Variants in TTC28 observed in about 807,000 individuals in gnomAD.
TTC28 encodes tetratricopeptide repeat domain 28.
TTC28 carries 61 observed loss-of-function variants against 198.0 expected under a neutral mutation model. That is an observed-to-expected ratio of 0.31 (90% CI 0.25 to 0.38). The LOEUF is 0.38. TTC28 is among the 10% of genes least tolerant of loss of function. The probability of loss-of-function intolerance (pLI) is 1.00; values close to 1 mark genes in which losing one functional copy is unlikely to be tolerated. For synonymous variants in TTC28, 1,171 were observed against 1,297.8 expected (o/e 0.90, Z 2.10); for missense variants, 2,678 against 3,164.0 (o/e 0.85, Z 3.69).
intron 5 of TTC28, among the ~76,000 whole-genome samples, chr22:28,165,205 G>T (rs1464612262): frequency 6.6e-6 from 1 of 152,208 alleles, no homozygotes; most frequent in Non-Finnish European, 1.5e-5. Flanking sequence ...CATCTCATTG[G>T]TGTACCTGAA....
chr22:28,173,455 C>G (rs543093903), intron 5 of TTC28, among the ~76,000 whole-genome samples: 1 of 152,202 alleles, frequency 6.6e-6, no homozygotes, highest in Non-Finnish European at 1.5e-5. Context: ...TCTGGAACAT[C>G]TGTATTTGAA....
At chr22:28,313,128 C>G (rs569921659) in intron 2 of TTC28, among the ~76,000 whole-genome samples, 1 of 152,238 alleles carries the variant, frequency 6.6e-6, no homozygotes, top group East Asian at 1.9e-4. Context: ...TGGATAAATT[C>G]CTTGACACGT....
At chr22:28,513,981 C>T (rs554249935) in intron 2 of TTC28, among the ~76,000 whole-genome samples, 2 of 151,926 alleles carry the variant, frequency 1.3e-5, no homozygotes, top group South Asian at 2.1e-4. Flanking sequence ...AGTCTTTGTA[C>T]AAAATACAAA....
intron 2 of TTC28, among the ~76,000 whole-genome samples, chr22:28,540,075 C>T (rs1023453628): frequency 1.3e-5 from 2 of 151,466 alleles, no homozygotes; most frequent in Non-Finnish European, 2.9e-5. Flanking sequence ...CTCCGAGTAG[C>T]TGGGACTAAA....
intron 2 of TTC28, among the ~76,000 whole-genome samples, chr22:28,399,317 GTTTT>G (rs695621): frequency 9.0e-5 from 11 of 121,974 alleles, no homozygotes; most frequent in African/African-American, 2.7e-4. Flanking sequence ...GACTAAAACT[GTTTT>G]TTTTTTTTTT....
chr22:28,165,510 T>A (rs1434851560), intron 5 of TTC28, among the ~76,000 whole-genome samples: 1 of 151,610 alleles, frequency 6.6e-6, no homozygotes, highest in Non-Finnish European at 1.5e-5. Flanking sequence ...CAGAAGAGAG[T>A]AGGGGCCAAT....
In TTC28 at chr22:28,677,648, A is replaced by G. The variant is rs568435881; in HGVS notation, c.102+1974T>C. 2.0e-5 allele frequency among the ~76,000 whole-genome samples: 3 copies of G among 152,134 alleles called. No individual in the cohort carries two copies. In the East Asian group the frequency reaches 5.8e-4, roughly 29 times the overall value. ...ACTGAGACTCTGTCTCAAAAAAATA[A>G]AAATAAGGCCAGGTGCCGTGGCTCA... On this transcript the variant is annotated intron_variant, in intron 1 of 22. Transcript: ENST00000397906.
intron 1 of TTC28, among the ~76,000 whole-genome samples, chr22:28,646,170 T>C (rs1329653912): frequency 6.6e-6 from 1 of 152,124 alleles, no homozygotes; most frequent in South Asian, 2.1e-4. Context: ...TGGAGGACCA[T>C]GAAAACTCCT....
chr22:28,133,387 G>A (rs182808425), intron 6 of TTC28, among the ~76,000 whole-genome samples: 171 of 152,238 alleles, frequency 1.1e-3, no homozygotes, highest in African/African-American at 2.1e-3. Flanking sequence ...GCAGCCCACC[G>A]GGCGTGAGCT....
chr22:28,659,467 C>T (rs1452189158), intron 1 of TTC28, among the ~76,000 whole-genome samples: 1 of 152,030 alleles, frequency 6.6e-6, no homozygotes, highest in Non-Finnish European at 1.5e-5. Flanking sequence ...TGGGGTTTTA[C>T]CAGTTGGCCA....
rs1171200369 is a variant in TTC28 at position 28,163,229 on chromosome 22, C to T, written c.1304G>A (p.Arg435Gln). Residue 435 changes from arginine to glutamine, a missense_variant, in exon 6 of 23, where the codon CGG becomes CAG. Physicochemically the swap from Arg to Gln is conservative, Grantham distance 43. Transcript: ENST00000397906. ...QELMEKAIEM[R>Q]AYAGLGHAAR... The stretch of plus-strand genomic sequence containing the variant: ...AGCATGGCCTAGTCCAGCATAGGCC[C>T]GCATCTCAATAGCCTTCTCCATCAA... 2.6e-6 allele frequency: 4 copies of T among 1,551,626 alleles called. No individual in the cohort carries two copies. The highest frequency in any genetic ancestry group is 3.9e-5 in the Admixed American group (2 of 50,976).
intron 2 of TTC28, among the ~76,000 whole-genome samples, chr22:28,591,561 C>A (rs184004542): frequency 6.6e-6 from 1 of 152,126 alleles, no homozygotes; most frequent in South Asian, 2.1e-4. Context: ...TCCAGGTCCA[C>A]GTGCTTTTTA....
chr22:28,196,935 GATTATA>G (rs1925411350), intron 5 of TTC28, among the ~76,000 whole-genome samples: 1 of 152,032 alleles, frequency 6.6e-6, no homozygotes, highest in Admixed American at 6.5e-5. Flanking sequence ...ATACCCAAAG[GATTATA>G]AATCATGCTG....
chr22:27,992,875 G>C (rs1937465506), intron 18 of TTC28: 2 of 599,562 alleles, frequency 3.3e-6, no homozygotes, highest in East Asian at 5.6e-5. Flanking sequence ...TCCTGACCCT[G>C]CCGCAGTCCT....
intron 2 of TTC28, among the ~76,000 whole-genome samples, chr22:28,451,620 A>G (rs1482361401): frequency 6.6e-6 from 1 of 152,236 alleles, no homozygotes; most frequent in Non-Finnish European, 1.5e-5. Context: ...TTCATTATAC[A>G]TTAGTTCACT....
intron 5 of TTC28, among the ~76,000 whole-genome samples, chr22:28,286,012 T>C (rs1601581286): frequency 6.6e-6 from 1 of 152,066 alleles, no homozygotes; most frequent in East Asian, 1.9e-4. Context: ...AATTTTTTTT[T>C]TTTTTGAGAC....
intron 13 of TTC28, among the ~76,000 whole-genome samples, chr22:28,025,428 A>C (rs997409711): frequency 3.3e-5 from 5 of 152,322 alleles, no homozygotes; most frequent in African/African-American, 1.2e-4. Context: ...CCAGAGCCCA[A>C]GATTTCTCCT....
At chr22:28,190,648 C>T (rs977619078) in intron 5 of TTC28, among the ~76,000 whole-genome samples, 5 of 152,170 alleles carry the variant, frequency 3.3e-5, no homozygotes, top group Non-Finnish European at 5.9e-5. Context: ...AATAAAGTAA[C>T]AACAGATCTG....
intron 5 of TTC28, among the ~76,000 whole-genome samples, chr22:28,182,476 C>T (rs1923791484): frequency 6.6e-6 from 1 of 152,044 alleles, no homozygotes; most frequent in African/African-American, 2.4e-5. Flanking sequence ...TGTACAAGTG[C>T]ACATATGAGA....
Sources: gnomAD v4.1 joint callset for allele counts (sites outside exome capture counted in the v4.1 genomes callset) on GRCh38, gnomAD v4.1.1 for gene constraint, MANE v1.5 for transcripts, NCBI Gene and HGNC (gene_info 2026-07-23, HGNC 2026-07-21) for gene names.